DOCK2: variants seen among roughly 807,000 people sequenced by gnomAD.
The protein encoded by DOCK2 is dedicator of cytokinesis protein 2.
Under a neutral mutation model 248.9 loss-of-function variants are expected in DOCK2, and 87 were observed. The ratio of observed to expected loss-of-function variants is 0.35; its 90% confidence interval spans 0.29 to 0.42. The LOEUF is 0.42. DOCK2 is among the 10% of genes least tolerant of loss of function. The probability of loss-of-function intolerance (pLI) is 1.00; values close to 1 mark genes in which losing one functional copy is unlikely to be tolerated. For synonymous variants in DOCK2, 805 were observed against 821.6 expected (o/e 0.98, Z 0.35); for missense variants, 1,747 against 2,300.2 (o/e 0.76, Z 4.92).
chr5:170,049,586 T>A (rs1417193772), intron 40 of DOCK2, among the ~76,000 whole-genome samples: 1 of 152,246 alleles, frequency 6.6e-6, no homozygotes, highest in Admixed American at 6.5e-5. Flanking sequence ...ACCTCAGCAC[T>A]ATTGATATTT....
chr5:170,046,043 G>A, intron 39 of DOCK2, 138 bp downstream of exon 39: 2 of 757,430 alleles, frequency 2.6e-6, no homozygotes, highest in Admixed American at 2.0e-5. Context: ...TAGGACCTGA[G>A]AGAGGCTGTA....
intron 2 of DOCK2, among the ~76,000 whole-genome samples, chr5:169,664,942 G>A (rs1279273469): frequency 6.7e-6 from 1 of 149,278 alleles, no homozygotes; most frequent in East Asian, 2.0e-4. Context: ...ATAAATATCA[G>A]CATATCTATA....
intron 30 of DOCK2, among the ~76,000 whole-genome samples, chr5:170,007,637 T>G (rs565619373): frequency 9.3e-4 from 141 of 152,336 alleles, no homozygotes; most frequent in African/African-American, 3.1e-3. Context: ...GTATCCTGTA[T>G]CAATATTGCC....
At chr5:170,007,561 C>T (rs982551479) in intron 30 of DOCK2, among the ~76,000 whole-genome samples, 1 of 152,150 alleles carries the variant, frequency 6.6e-6, no homozygotes, top group African/African-American at 2.4e-5. Flanking sequence ...GACAGGTTTA[C>T]CGAGGCTCCG....
In DOCK2 at chr5:169,882,730, A is replaced by T. The variant is rs1037930044; in HGVS notation, c.2799+41878A>T. ...GTCACTAATCTCCCTGTTGCTCTGAAGTTTGGTCTCACTCCTTGAAAGAGA... is the reference window on the plus strand; with the variant it reads ...GTCACTAATCTCCCTGTTGCTCTGATGTTTGGTCTCACTCCTTGAAAGAGA... On this transcript the variant is annotated intron_variant, in intron 27 of 51. Coordinates refer to ENST00000520908, the MANE Select transcript of DOCK2 (RefSeq NM_004946.3). 5 of 1,551,718 alleles carry T rather than the reference A, an allele frequency of 3.2e-6. No individual in the cohort carries two copies. The African/African-American group carries it at 6.9e-5, about 21-fold the overall frequency.
rs376410405 is a variant in DOCK2, at chr5:169,878,171, G to T, written c.2799+37319G>T. On this transcript the variant is annotated intron_variant, in intron 27 of 51. Coordinates refer to ENST00000520908, the MANE Select transcript of DOCK2 (RefSeq NM_004946.3). ...AAAGTAGAGAAGGGAGTGAGGGAAG[G>T]AGGAGCAAGTGGCTTAGAGGGACCT... is the stretch of plus-strand genomic sequence containing the variant. Among the ~76,000 whole-genome samples the T allele has an allele frequency of 3.0e-4, 45 of 152,272 alleles. No homozygotes were observed. In the East Asian group the frequency reaches 4.8e-3, roughly 16 times the overall value.
chr5:169,926,174 C>T (rs1340511225), intron 27 of DOCK2, among the ~76,000 whole-genome samples: 10 of 152,098 alleles, frequency 6.6e-5, no homozygotes, highest in South Asian at 6.2e-4. Context: ...TTCCTATAGT[C>T]GGCATGGATG....
chr5:169,683,644 C>T (rs1267758966), intron 7 of DOCK2, among the ~76,000 whole-genome samples: 1 of 152,136 alleles, frequency 6.6e-6, no homozygotes, highest in Non-Finnish European at 1.5e-5. Flanking sequence ...AGTTGTATCT[C>T]ATTGTAGTTT....
chr5:169,948,767 T>C (rs984313291), intron 27 of DOCK2, among the ~76,000 whole-genome samples: 1 of 151,892 alleles, frequency 6.6e-6, no homozygotes, highest in African/African-American at 2.4e-5. Context: ...TGTGTGCCAC[T>C]ACACCTGGCT....
intron 26 of DOCK2, among the ~76,000 whole-genome samples, chr5:169,833,726 G>A (rs1769380886): frequency 6.6e-6 from 1 of 152,192 alleles, no homozygotes; most frequent in Non-Finnish European, 1.5e-5. Context: ...CAATCAAAGT[G>A]TGCATCCTGG....
chr5:169,782,360 C>T (rs760349416), intron 25 of DOCK2, among the ~76,000 whole-genome samples: 13 of 152,080 alleles, frequency 8.5e-5, no homozygotes, highest in Admixed American at 1.3e-4. Flanking sequence ...TCCAAGAAGA[C>T]GGGAAACTGT....
intron 27 of DOCK2, among the ~76,000 whole-genome samples, chr5:169,897,307 C>T (rs1581378852): frequency 6.6e-6 from 1 of 152,198 alleles, no homozygotes; most frequent in Non-Finnish European, 1.5e-5. Context: ...GCCTCAGCCT[C>T]CCAAGTAGCT....
intron 27 of DOCK2, among the ~76,000 whole-genome samples, chr5:169,872,099 C>T (rs377330302): frequency 6.6e-6 from 1 of 152,178 alleles, no homozygotes; most frequent in Admixed American, 6.5e-5. Flanking sequence ...TGATTCATGG[C>T]GTCTCCCTGA....
intron 23 of DOCK2, among the ~76,000 whole-genome samples, chr5:169,754,864 C>A (rs1268002891): frequency 6.6e-6 from 1 of 152,020 alleles, no homozygotes; most frequent in Non-Finnish European, 1.5e-5. Context: ...TAAATGAGAT[C>A]ATGCATGTAA....
At chr5:169,942,216 G>T (rs1776271092) in intron 27 of DOCK2, among the ~76,000 whole-genome samples, 4 of 152,288 alleles carry the variant, frequency 2.6e-5, no homozygotes, top group Middle Eastern at 3.4e-3. Context: ...GGAGAAGGGA[G>T]TTTAAAAATC....
intron 29 of DOCK2, among the ~76,000 whole-genome samples, chr5:169,990,877 C>A (rs1778189181): frequency 6.6e-6 from 1 of 152,158 alleles, no homozygotes; most frequent in South Asian, 2.1e-4. Flanking sequence ...TGTGTTGTCA[C>A]ATGGGAGTAT....
chr5:170,025,848 T>TTCCCTCTTTCC (rs1554126895), intron 33 of DOCK2, among the ~76,000 whole-genome samples: 1 of 63,430 alleles, frequency 1.6e-5, no homozygotes, highest in Non-Finnish European at 3.0e-5. Flanking sequence ...TCCTTCCTTC[T>TTCCCTCTTTCC]TTCCTTCCTT....
intron 26 of DOCK2, among the ~76,000 whole-genome samples, chr5:169,807,399 A>C (rs985699648): frequency 7.9e-5 from 12 of 152,260 alleles, no homozygotes; most frequent in African/African-American, 2.9e-4. Context: ...ACCAATGTAG[A>C]GGCCATGCTC....
At chr5:170,001,715 C>T (rs368954939) in intron 30 of DOCK2, among the ~76,000 whole-genome samples, 2 of 152,090 alleles carry the variant, frequency 1.3e-5, no homozygotes, top group Admixed American at 6.6e-5. Context: ...ACGTGATGTG[C>T]GATACTGTGT....
Sources: gnomAD v4.1 joint callset for allele counts (sites outside exome capture counted in the v4.1 genomes callset) on GRCh38, gnomAD v4.1.1 for gene constraint, MANE v1.5 for transcripts, NCBI Gene and HGNC (gene_info 2026-07-23, HGNC 2026-07-21) for gene names.